Variants in DNAH8 observed in about 807,000 individuals in gnomAD.
The protein encoded by DNAH8 is dynein axonemal heavy chain 8.
DNAH8 carries 382 observed loss-of-function variants against 562.1 expected under a neutral mutation model. The observed-to-expected ratio is 0.68, with a 90% CI of 0.63 to 0.74. The LOEUF is 0.74. Ranked by LOEUF, DNAH8 falls within the 30% of genes least tolerant of loss-of-function variation. The pLI, the probability that DNAH8 is intolerant of heterozygous loss-of-function variation, is 0.00. For synonymous variants in DNAH8, 1,881 were observed against 1,919.4 expected, an observed-to-expected ratio of 0.98 and a Z score of 0.52; for missense variants, 5,203 against 5,620.4, an observed-to-expected ratio of 0.93 and a Z score of 2.37.
At chr6:38,892,690 A>G (rs755377598) in intron 58 of DNAH8, among the ~76,000 whole-genome samples, 1 of 152,016 alleles carries the variant, frequency 6.6e-6, no homozygotes, top group Non-Finnish European at 1.5e-5. Context: ...TGTTCTTTTC[A>G]CAGTCCTAGA....
intron 9 of DNAH8, among the ~76,000 whole-genome samples, chr6:38,753,146 A>G (rs957619505): frequency 5.3e-5 from 8 of 152,036 alleles, no homozygotes; most frequent in Non-Finnish European, 1.0e-4. Context: ...TACCCCTGCT[A>G]CTAGTAGCTG....
At chr6:38,924,369 G>A (rs985902778) in intron 73 of DNAH8, among the ~76,000 whole-genome samples, 2 of 151,872 alleles carry the variant, frequency 1.3e-5, no homozygotes, top group African/African-American at 2.4e-5. Flanking sequence ...AAAGTTAGCC[G>A]GGCATGATGG....
chr6:38,970,436 C>T (rs946684948), intron 82 of DNAH8, among the ~76,000 whole-genome samples: 1 of 152,120 alleles, frequency 6.6e-6, no homozygotes, highest in Non-Finnish European at 1.5e-5. Context: ...CTTGTTAATA[C>T]TTGGCCCATT....
intron 21 of DNAH8, among the ~76,000 whole-genome samples, chr6:38,795,634 G>A (rs999215469): frequency 2.0e-5 from 3 of 151,838 alleles, no homozygotes; most frequent in Non-Finnish European, 4.4e-5. Context: ...ATTCTGAAGA[G>A]CATGCTTGTC....
intron 11 of DNAH8, 113 bp from the exon 12 acceptor site, chr6:38,770,298 ACT>A: frequency 1.7e-6 from 1 of 597,370 alleles, no homozygotes. Flanking sequence ...ATAAAAAAAA[ACT>A]ATACAGATTT....
intron 82 of DNAH8, among the ~76,000 whole-genome samples, chr6:38,960,493 A>G (rs770497125): frequency 1.3e-5 from 2 of 152,064 alleles, no homozygotes; most frequent in Non-Finnish European, 2.9e-5. Context: ...AAAATAAGAC[A>G]TATAAATTGC....
chr6:38,760,516 A>C (rs1482662929), intron 10 of DNAH8, among the ~76,000 whole-genome samples: 1 of 151,698 alleles, frequency 6.6e-6, no homozygotes, highest in African/African-American at 2.4e-5. Flanking sequence ...CAATCCAAAG[A>C]CTTTCCTTTC....
intron 22 of DNAH8, among the ~76,000 whole-genome samples, chr6:38,804,371 G>C (rs1442115400): frequency 6.6e-6 from 1 of 152,196 alleles, no homozygotes; most frequent in Admixed American, 6.5e-5. Flanking sequence ...TCATTTTAAA[G>C]TTTTGTTTTC....
At chr6:38,873,823 T>A (rs1777683886) in intron 52 of DNAH8, among the ~76,000 whole-genome samples, 1 of 119,800 alleles carries the variant, frequency 8.3e-6, no homozygotes, top group Non-Finnish European at 1.8e-5. Context: ...AATAAATAAA[T>A]AAGTAAATAA....
At chr6:38,750,806 ATAAT>A (rs1186725080) in intron 9 of DNAH8, among the ~76,000 whole-genome samples, 1 of 152,152 alleles carries the variant, frequency 6.6e-6, no homozygotes, top group African/African-American at 2.4e-5. Context: ...ACTGACTTGT[ATAAT>A]TAATGCATTA....
intron 88 of DNAH8, among the ~76,000 whole-genome samples, chr6:39,000,553 C>T (rs1024197169): frequency 8.5e-5 from 13 of 152,152 alleles, no homozygotes; most frequent in Non-Finnish European, 1.6e-4. Context: ...ACTGCGCATG[C>T]CAGGGACCTA....
chr6:38,932,001 C>A lies in DNAH8; in HGVS notation c.11457+8C>A. 1.3e-6 allele frequency: 2 copies of A among 1,539,258 alleles called. No homozygotes were observed. The highest frequency in any genetic ancestry group is 1.7e-6 in the Non-Finnish European group (2 of 1,142,874). ...ATTCTAACAGAGAAACAGGTAATCT[C>A]TCTCTCAAGGTAAAGAATTTCTGCT... is the stretch of plus-strand genomic sequence containing the variant. On this transcript the variant is annotated splice_region_variant and intron_variant, in intron 76 of 92. Transcript: ENST00000327475.
intron 82 of DNAH8, among the ~76,000 whole-genome samples, chr6:38,965,065 A>AAAAAT (rs140369493): frequency 0.02 from 2,823 of 144,576 alleles, 53 homozygotes; most frequent in African/African-American, 0.046. Flanking sequence ...TTCTGTCTCA[A>AAAAAT]AAAATAAAAT....
chr6:38,892,228 G>A (rs1245438535), intron 58 of DNAH8, among the ~76,000 whole-genome samples: 1 of 151,998 alleles, frequency 6.6e-6, no homozygotes, highest in Non-Finnish European at 1.5e-5. Flanking sequence ...CAAGCTTCAA[G>A]GCTCTAAACA....
At chr6:38,988,356 G>C (rs991787218) in intron 87 of DNAH8, among the ~76,000 whole-genome samples, 1 of 152,130 alleles carries the variant, frequency 6.6e-6, no homozygotes, top group Non-Finnish European at 1.5e-5. Context: ...AAAATAGTAA[G>C]AAACTTCATT....
chr6:38,809,649 C>G (rs12665249), intron 24 of DNAH8, among the ~76,000 whole-genome samples: 8 of 152,022 alleles, frequency 5.3e-5, no homozygotes, highest in Non-Finnish European at 8.8e-5. Context: ...CTCTCTGTGA[C>G]GTTTTATAAA....
Position 38,845,435 on chromosome 6 carries a change from T to C in DNAH8, c.4846-139T>C, listed in dbSNP as rs1027795705. 29 of 637,074 alleles carry C rather than the reference T, an allele frequency of 4.6e-5. No individual in the cohort carries two copies. In the Middle Eastern group the frequency reaches 1.5e-3, roughly 33 times the overall value. 39.5% of individuals were successfully genotyped at this position (637,074 alleles called of 1,614,324 possible). A position where few individuals can be genotyped will look rare whatever the true frequency, so the allele number is the denominator to read the frequency against. On this transcript the variant is annotated intron_variant, in intron 35 of 92. Coordinates refer to ENST00000327475, the MANE Select transcript of DNAH8 (RefSeq NM_001206927.2). ...AGTTGCAACACAATGATCTGAAGCC[T>C]TTTCTTGGCTGTAAAATGACTAAAT...
chr6:38,929,072 C>A (rs1452584332), intron 74 of DNAH8, among the ~76,000 whole-genome samples: 1 of 152,156 alleles, frequency 6.6e-6, no homozygotes. Context: ...CTCAATATAT[C>A]ATTTCTGACA....
chr6:38,822,192 C>G (rs1432944315), intron 26 of DNAH8: 1 of 145,176 alleles, frequency 6.9e-6, no homozygotes, highest in Non-Finnish European at 1.5e-5. Flanking sequence ...ATTTTAGGGT[C>G]ATTTTTAGAG....
Sources: allele counts gnomAD v4.1 joint callset (sites outside exome capture counted in the v4.1 genomes callset), GRCh38; gene constraint gnomAD v4.1.1; transcripts MANE v1.5; gene names NCBI Gene and HGNC (gene_info 2026-07-23, HGNC 2026-07-21).